The following SRBD1 variants were observed in gnomAD, a reference collection of about 807,000 sequenced individuals.
SRBD1 encodes the protein S1 RNA-binding domain-containing protein 1.
Under a neutral mutation model 115.3 loss-of-function variants are expected in SRBD1, and 88 were observed. The ratio of observed to expected loss-of-function variants is 0.76; its 90% CI spans 0.64 to 0.91. SRBD1 has a LOEUF of 0.91. SRBD1 is among the 40% of genes least tolerant of loss of function. The pLI, the probability that SRBD1 is intolerant of heterozygous loss-of-function variation, is 0.00. For synonymous variants in SRBD1, 509 were observed against 407.7 expected (o/e 1.25, Z -2.99); for missense variants, 1,385 against 1,177.4 (o/e 1.18, Z -2.58).
At chr2:45,576,141 T>C (rs1673170474) in intron 7 of SRBD1, among the ~76,000 whole-genome samples, 1 of 152,118 alleles carries the variant, frequency 6.6e-6, no homozygotes, top group Admixed American at 6.5e-5. Context: ...CCTCCTCCTT[T>C]TTCTCGTCAG....
chr2:45,477,078 G>C lies in SRBD1; in HGVS notation c.1967-3C>G. 1 of 1,612,442 alleles carries C rather than the reference G, an allele frequency of 6.2e-7. No homozygotes were observed. Among genetic ancestry groups the C allele is most frequent in the Non-Finnish European group, 8.5e-7 (1 of 1,179,306 alleles). Reference sequence around the variant, plus strand: ...TTGTACACGCCTTGCTATGGAAACTGAAAAAACAGAATCAGAAAACAAGTA... The same window carrying C: ...TTGTACACGCCTTGCTATGGAAACTCAAAAAACAGAATCAGAAAACAAGTA... On this transcript the variant is annotated splice_polypyrimidine_tract_variant and splice_region_variant and intron_variant, in intron 15 of 20. Coordinates refer to ENST00000263736, the MANE Select transcript of SRBD1 (RefSeq NM_018079.5).
chr2:45,484,804 G>T (rs1670066305), intron 15 of SRBD1, among the ~76,000 whole-genome samples: 1 of 152,106 alleles, frequency 6.6e-6, no homozygotes, highest in Admixed American at 6.5e-5. Flanking sequence ...CTACAGATTT[G>T]TCTGTTCTGC....
chr2:45,422,876 C>A (rs1668047904), intron 16 of SRBD1, among the ~76,000 whole-genome samples: 1 of 152,066 alleles, frequency 6.6e-6, no homozygotes, highest in Non-Finnish European at 1.5e-5. Context: ...TATAAGCAGT[C>A]CTTAAAATGA....
intron 16 of SRBD1, among the ~76,000 whole-genome samples, chr2:45,468,481 G>A (rs576481066): frequency 3.3e-5 from 5 of 150,776 alleles, no homozygotes; most frequent in South Asian, 2.1e-4. Context: ...TTTATCTTCC[G>A]GGCCCAAGTG....
At chr2:45,519,129 T>C (rs1177857669) in intron 14 of SRBD1, among the ~76,000 whole-genome samples, 2 of 152,182 alleles carry the variant, frequency 1.3e-5, no homozygotes, top group East Asian at 1.9e-4. Flanking sequence ...ATCATATTTA[T>C]AGCTCTACAA....
At chr2:45,462,510 C>T (rs932638560) in intron 16 of SRBD1, among the ~76,000 whole-genome samples, 2 of 152,084 alleles carry the variant, frequency 1.3e-5, no homozygotes, top group African/African-American at 4.8e-5. Flanking sequence ...AAAGAATATA[C>T]ACTTTTTAAT....
At chr2:45,425,827 G>A (rs1214585612) in intron 16 of SRBD1, among the ~76,000 whole-genome samples, 2 of 152,148 alleles carry the variant, frequency 1.3e-5, no homozygotes, top group Admixed American at 6.5e-5. Context: ...CAAATACTAC[G>A]CTTTTCCCGT....
chr2:45,586,185 A>G (rs906576974), intron 4 of SRBD1, among the ~76,000 whole-genome samples: 3 of 152,230 alleles, frequency 2.0e-5, no homozygotes, highest in African/African-American at 7.2e-5. Flanking sequence ...TACAATGCAT[A>G]AACAAACTTT....
At chr2:45,444,815 CAG>C (rs1243750272) in intron 16 of SRBD1, among the ~76,000 whole-genome samples, 1 of 152,188 alleles carries the variant, frequency 6.6e-6, no homozygotes, top group African/African-American at 2.4e-5. Context: ...CCTTTGGTAT[CAG>C]TAAGAGACAA....
chr2:45,537,318 G>A (rs1671792134), intron 14 of SRBD1, among the ~76,000 whole-genome samples: 1 of 152,096 alleles, frequency 6.6e-6, no homozygotes, highest in Non-Finnish European at 1.5e-5. Flanking sequence ...GCCTTACCTT[G>A]CTTTTAATTC....
chr2:45,594,569 G>C (rs1034623079), intron 4 of SRBD1, among the ~76,000 whole-genome samples: 4 of 152,202 alleles, frequency 2.6e-5, no homozygotes, highest in African/African-American at 9.7e-5. Context: ...AGAAAGGGCT[G>C]AAAAGGAGTA....
At chr2:45,546,076 A>T (rs1672110885) in intron 14 of SRBD1, 1 of 778,218 alleles carries the variant, frequency 1.3e-6, no homozygotes, top group Admixed American at 6.3e-5. Context: ...TTTAGGACTT[A>T]ATATTCTACT....
intron 19 of SRBD1, among the ~76,000 whole-genome samples, chr2:45,404,464 C>A (rs1667373795): frequency 6.6e-6 from 1 of 152,112 alleles, no homozygotes; most frequent in African/African-American, 2.4e-5. Context: ...CCACTTCATC[C>A]TCCACAGTGT....
intron 16 of SRBD1, among the ~76,000 whole-genome samples, chr2:45,476,272 G>C (rs1558420515): frequency 6.6e-6 from 1 of 151,948 alleles, no homozygotes; most frequent in Admixed American, 6.6e-5. Flanking sequence ...GAATTCTAAG[G>C]TGTCTTCCAT....
intron 19 of SRBD1, among the ~76,000 whole-genome samples, chr2:45,411,427 T>C (rs1667599310): frequency 6.6e-6 from 1 of 152,186 alleles, no homozygotes; most frequent in Non-Finnish European, 1.5e-5. Context: ...TGCTACAACA[T>C]GGATAAATCT....
chr2:45,475,723 G>C lies in SRBD1; in HGVS notation c.2049+1270C>G, dbSNP rs116351379. 6.9e-3 allele frequency among the ~76,000 whole-genome samples: 1,048 copies of C among 152,266 alleles called. 14 individuals are homozygous for C. Among genetic ancestry groups the C allele is most frequent in the African/African-American group, 0.024 (998 of 41,538 alleles). ...GCTGTACTTTTTCTTTCTCGAGATG[G>C]AGTCTCGCTCTGTCACCCAGGCTAG... On this transcript the variant is annotated intron_variant, in intron 16 of 20. Transcript: ENST00000263736.
At chr2:45,429,212 G>A (rs945535709) in intron 16 of SRBD1, among the ~76,000 whole-genome samples, 1 of 152,058 alleles carries the variant, frequency 6.6e-6, no homozygotes, top group Admixed American at 6.6e-5. Context: ...AATTCCACCA[G>A]AGGTACAAAG....
intron 5 of SRBD1, 120 bp from the exon 6 acceptor site, chr2:45,581,930 T>C: frequency 1.4e-6 from 1 of 727,026 alleles, no homozygotes; most frequent in South Asian, 1.6e-5. Context: ...GTCTCTGAAC[T>C]GTTTGAGAAT....
chr2:45,562,846 T>C, intron 9 of SRBD1, 90 bp from the exon 10 acceptor site: 1 of 763,706 alleles, frequency 1.3e-6, no homozygotes. Flanking sequence ...TATGAATTTT[T>C]TACTCGTTTA....
Sources: allele counts gnomAD v4.1 joint callset (sites outside exome capture counted in the v4.1 genomes callset), GRCh38; gene constraint gnomAD v4.1.1; transcripts MANE v1.5; gene names NCBI Gene and HGNC (gene_info 2026-07-23, HGNC 2026-07-21).